Variants in EFCAB11 observed in about 807,000 individuals in gnomAD.
EFCAB11 encodes EF-hand calcium-binding domain-containing protein 11.
In EFCAB11, 14 loss-of-function variants were observed where a neutral mutation model predicts 23.0. The observed-to-expected ratio is 0.61, with a 90% CI of 0.40 to 0.95. The LOEUF (loss-of-function observed/expected upper bound fraction) is 0.95, where lower values mean the gene tolerates loss of function less well. Ranked by LOEUF, EFCAB11 falls within the 40% of genes least tolerant of loss-of-function variation. The pLI is 0.00. For missense variants in EFCAB11, 198 were observed against 195.8 expected (o/e 1.01, Z -0.07); for synonymous variants, 65 against 66.6 (o/e 0.98, Z 0.11).
At chr14:89,897,367 C>T (rs1889201878) in intron 5 of EFCAB11, among the ~76,000 whole-genome samples, 1 of 151,938 alleles carries the variant, frequency 6.6e-6, no homozygotes, top group Admixed American at 6.6e-5. Context: ...GCCACCAAGC[C>T]CAACTAATTT....
chr14:89,935,900 CAGG>C (rs1269829236), intron 3 of EFCAB11, among the ~76,000 whole-genome samples: 2 of 151,936 alleles, frequency 1.3e-5, no homozygotes, highest in African/African-American at 4.8e-5. Flanking sequence ...CCCAGCTAGT[CAGG>C]AGGCTGAGGC....
intron 5 of EFCAB11, among the ~76,000 whole-genome samples, chr14:89,917,053 C>CGTGT (rs71107570): frequency 0.049 from 6,713 of 136,662 alleles, 193 homozygotes; most frequent in East Asian, 0.096. Context: ...TGACATGCTT[C>CGTGT]GTGTGTGTGT....
At chr14:89,913,524 T>C (rs1452947728) in intron 5 of EFCAB11, among the ~76,000 whole-genome samples, 2 of 152,192 alleles carry the variant, frequency 1.3e-5, no homozygotes, top group Non-Finnish European at 2.9e-5. Context: ...TCCAGTTCTA[T>C]GATTCCGTAA....
At chr14:89,918,442 G>A (rs1456851008) in intron 5 of EFCAB11, among the ~76,000 whole-genome samples, 1 of 151,840 alleles carries the variant, frequency 6.6e-6, no homozygotes, top group Non-Finnish European at 1.5e-5. Flanking sequence ...GGGAGGCTGA[G>A]GCAGGAGAAT....
chr14:89,910,745 C>T (rs1339966389), intron 5 of EFCAB11, among the ~76,000 whole-genome samples: 1 of 152,098 alleles, frequency 6.6e-6, no homozygotes, highest in Admixed American at 6.5e-5. Flanking sequence ...GTGTTGCCAG[C>T]TTCACTCGGA....
chr14:89,856,715 G>A (rs1311048088), intron 5 of EFCAB11, among the ~76,000 whole-genome samples: 1 of 152,004 alleles, frequency 6.6e-6, no homozygotes, highest in Admixed American at 6.6e-5. Context: ...TGTACCTGTT[G>A]GTCATTTTTA....
intron 5 of EFCAB11, among the ~76,000 whole-genome samples, chr14:89,884,943 C>T (rs1249867115): frequency 2.0e-5 from 3 of 152,184 alleles, no homozygotes; most frequent in African/African-American, 7.2e-5. Context: ...CATCTGCAAG[C>T]CAGGAAGAGC....
At chr14:89,931,777 C>T (rs188696741) in intron 4 of EFCAB11, 146 bp from the exon 5 acceptor site, 2 of 664,928 alleles carry the variant, frequency 3.0e-6, no homozygotes, top group East Asian at 2.7e-5. Flanking sequence ...ATAAGGTAAT[C>T]TGAGATTGTC....
chr14:89,892,958 T>A (rs1257675796), intron 5 of EFCAB11, among the ~76,000 whole-genome samples: 1 of 152,142 alleles, frequency 6.6e-6, no homozygotes, highest in Non-Finnish European at 1.5e-5. Flanking sequence ...TGCAACTTCC[T>A]GTCCTTGAGC....
intron 5 of EFCAB11, among the ~76,000 whole-genome samples, chr14:89,872,029 T>C (rs966699224): frequency 5.3e-5 from 8 of 152,310 alleles, no homozygotes; most frequent in African/African-American, 1.4e-4. Flanking sequence ...AACTAATGAC[T>C]AAGTAACTGA....
chr14:89,820,211 A>G (rs1566771030), intron 5 of EFCAB11, among the ~76,000 whole-genome samples: 1 of 152,174 alleles, frequency 6.6e-6, no homozygotes, highest in Non-Finnish European at 1.5e-5. Context: ...TTAAGTGCAG[A>G]GCTGTCGATT....
At chr14:89,889,583 C>T (rs1051839664) in intron 5 of EFCAB11, among the ~76,000 whole-genome samples, 2 of 152,242 alleles carry the variant, frequency 1.3e-5, no homozygotes, top group Non-Finnish European at 2.9e-5. Flanking sequence ...ACTTGGATTT[C>T]AGGAAGGTTC....
chr14:89,894,316 G>T (rs1889090683), intron 5 of EFCAB11, among the ~76,000 whole-genome samples: 1 of 151,692 alleles, frequency 6.6e-6, no homozygotes, highest in Non-Finnish European at 1.5e-5. Flanking sequence ...TGTTACATAG[G>T]TATACAAGTG....
intron 5 of EFCAB11, among the ~76,000 whole-genome samples, chr14:89,878,861 CTCT>C (rs142870110): frequency 0.053 from 7,993 of 151,998 alleles, 341 homozygotes; most frequent in African/African-American, 0.11. Flanking sequence ...AGACACATGT[CTCT>C]TCTTTTCCAT....
intron 5 of EFCAB11, among the ~76,000 whole-genome samples, chr14:89,908,211 T>C (rs1198853214): frequency 6.6e-6 from 1 of 152,202 alleles, no homozygotes; most frequent in Admixed American, 6.5e-5. Flanking sequence ...CTAGACACCA[T>C]AATAACAACA....
chr14:89,837,226 C>T, intron 5 of EFCAB11: 7 of 420,282 alleles, frequency 1.7e-5, no homozygotes, highest in South Asian at 1.2e-4. Flanking sequence ...TTTGCATATC[C>T]ATCCAATCAA....
At chr14:89,858,406 A>C (rs992251802) in intron 5 of EFCAB11, among the ~76,000 whole-genome samples, 2 of 152,238 alleles carry the variant, frequency 1.3e-5, no homozygotes, top group African/African-American at 2.4e-5. Context: ...TTATTGTTTT[A>C]ATCAGCTGAG....
chr14:89,931,707 G>C, intron 4 of EFCAB11, 76 bp from the exon 5 acceptor site: 1 of 1,259,868 alleles, frequency 7.9e-7, no homozygotes, highest in Admixed American at 2.0e-5. Context: ...TAACATTTGT[G>C]CAAAACTTAT....
intron 3 of EFCAB11, among the ~76,000 whole-genome samples, chr14:89,933,327 C>T (rs1344081941): frequency 6.6e-6 from 1 of 152,050 alleles, no homozygotes; most frequent in Non-Finnish European, 1.5e-5. Flanking sequence ...AAGAGCGAAG[C>T]CAAGAATTTA....
Sources: gnomAD v4.1 joint callset for allele counts (sites outside exome capture counted in the v4.1 genomes callset) on GRCh38, gnomAD v4.1.1 for gene constraint, MANE v1.5 for transcripts, NCBI Gene and HGNC (gene_info 2026-07-23, HGNC 2026-07-21) for gene names.